SPECC1: variants seen among roughly 807,000 people sequenced by gnomAD.
SPECC1 encodes the protein cytospin-B.
A neutral mutation model predicts 104.1 loss-of-function variants in SPECC1; 62 were observed. The ratio of observed to expected loss-of-function variants is 0.60; its 90% confidence interval spans 0.49 to 0.74. SPECC1 has a LOEUF of 0.74. Ranked by LOEUF, SPECC1 falls within the 30% of genes least tolerant of loss-of-function variation. The pLI is 0.00. For missense variants in SPECC1, 1,306 were observed against 1,310.5 expected (o/e 1.00, Z 0.05); for synonymous variants, 513 against 501.6 (o/e 1.02, Z -0.30).
chr17:20,284,367 G>A (rs914958121), intron 12 of SPECC1, among the ~76,000 whole-genome samples: 6 of 152,230 alleles, frequency 3.9e-5, no homozygotes, highest in Non-Finnish European at 7.3e-5. Flanking sequence ...AAGATAGGGG[G>A]CCCAGGAGTC....
intron 5 of SPECC1, among the ~76,000 whole-genome samples, chr17:20,231,476 GTGC>G (rs1487535597): frequency 2.0e-5 from 3 of 152,194 alleles, no homozygotes; most frequent in Admixed American, 6.5e-5. Flanking sequence ...TCTTCCCGTA[GTGC>G]TGCTATTTGG....
At position 20,204,773 on chromosome 17, in the gene SPECC1, G is replaced by T. The variant is rs144644210; in HGVS notation, c.724G>T (p.Asp242Tyr). The T allele has an allele frequency of 6.2e-7, 1 of 1,614,070 alleles. No individual in the cohort carries two copies. The highest frequency in any genetic ancestry group is 2.2e-5 in the East Asian group (1 of 44,882). Reference sequence around the variant, plus strand: ...CAAGAACTTTCAGAAAGAGCTTTCCGATCTAGAGGAAGAAAACCGGGTCCT... The same window carrying T: ...CAAGAACTTTCAGAAAGAGCTTTCCTATCTAGAGGAAGAAAACCGGGTCCT... ...KNKNFQKELS[D>Y]LEEENRVLKE... is the part of the protein sequence containing the mutation. Residue 242 changes from aspartate (D) to tyrosine (Y), a missense_variant, in exon 4 of 15, where the codon GAT becomes TAT. Coordinates refer to ENST00000395527, the MANE Select transcript of SPECC1 (RefSeq NM_001243439.2).
chr17:20,100,593 A>G (rs1322159157), intron 2 of SPECC1, among the ~76,000 whole-genome samples: 1 of 152,230 alleles, frequency 6.6e-6, no homozygotes, highest in Non-Finnish European at 1.5e-5. Flanking sequence ...AGACAAATCC[A>G]CTGAAAGTAG....
At chr17:20,246,546 C>T (rs1015207706) in intron 8 of SPECC1, among the ~76,000 whole-genome samples, 3 of 152,186 alleles carry the variant, frequency 2.0e-5, no homozygotes, top group Non-Finnish European at 4.4e-5. Context: ...TACGTGAGCA[C>T]CTGTGCTAAT....
chr17:20,166,518 A>G (rs2033661578), intron 3 of SPECC1, among the ~76,000 whole-genome samples: 1 of 152,216 alleles, frequency 6.6e-6, no homozygotes, highest in African/African-American at 2.4e-5. Flanking sequence ...GATCATTTAG[A>G]AAAATAATTA....
At chr17:20,190,581 G>GCCTCCT (rs1424054349) in intron 3 of SPECC1, among the ~76,000 whole-genome samples, 1 of 152,154 alleles carries the variant, frequency 6.6e-6, no homozygotes, top group Non-Finnish European at 1.5e-5. Context: ...AACACACTCA[G>GCCTCCT]CCTCCTCATT....
intron 3 of SPECC1, among the ~76,000 whole-genome samples, chr17:20,143,994 A>G (rs905832301): frequency 2.0e-5 from 3 of 152,102 alleles, no homozygotes; most frequent in Admixed American, 6.5e-5. Flanking sequence ...TGAGCTTCCC[A>G]AGGGAGTTCT....
chr17:20,052,412 CAT>C (rs2045807977), intron 1 of SPECC1, among the ~76,000 whole-genome samples: 3 of 152,296 alleles, frequency 2.0e-5, no homozygotes, highest in East Asian at 3.9e-4. Context: ...TCTGAAAGGT[CAT>C]ACATCAAAGA....
chr17:20,142,758 A>G (rs2030970153), intron 3 of SPECC1, among the ~76,000 whole-genome samples: 1 of 151,264 alleles, frequency 6.6e-6, no homozygotes, highest in South Asian at 2.1e-4. Flanking sequence ...TGTACTTAAC[A>G]CCTCTGGACT....
At chr17:20,081,274 C>T (rs2046963148) in intron 1 of SPECC1, among the ~76,000 whole-genome samples, 1 of 152,130 alleles carries the variant, frequency 6.6e-6, no homozygotes, top group Non-Finnish European at 1.5e-5. Context: ...TGTCCTGGTG[C>T]CTACTGCAGT....
intron 14 of SPECC1, among the ~76,000 whole-genome samples, 185 bp from the exon 15 acceptor site, chr17:20,313,791 A>G (rs562787964): frequency 3.7e-4 from 57 of 152,240 alleles, no homozygotes; most frequent in Non-Finnish European, 7.8e-4. Flanking sequence ...TATCTCCTGA[A>G]TAAGTGGGAG....
intron 1 of SPECC1, among the ~76,000 whole-genome samples, chr17:20,092,939 T>C (rs1229163364): frequency 1.3e-5 from 2 of 152,182 alleles, no homozygotes; most frequent in Non-Finnish European, 2.9e-5. Flanking sequence ...AGAGAGGCCA[T>C]CCGTCCCTGG....
At chr17:20,062,474 C>T (rs2046221285) in intron 1 of SPECC1, among the ~76,000 whole-genome samples, 1 of 151,822 alleles carries the variant, frequency 6.6e-6, no homozygotes, top group Non-Finnish European at 1.5e-5. Context: ...GTGATCCTCC[C>T]ACCTCAGCCT....
chr17:20,240,165 A>C (rs1055603219), intron 7 of SPECC1, among the ~76,000 whole-genome samples: 5 of 138,032 alleles, frequency 3.6e-5, no homozygotes, highest in African/African-American at 1.3e-4. Context: ...GATCCTCCCA[A>C]CTCAGCCTCC....
chr17:20,082,957 TGTTCGTTCGTTC>T (rs5819696), intron 1 of SPECC1, among the ~76,000 whole-genome samples: 40,139 of 147,612 alleles, frequency 0.27, 5,640 homozygotes, highest in Middle Eastern at 0.37. Flanking sequence ...TGTCCTTTGG[TGTTCGTTCGTTC>T]GTTCGTTCGT....
intron 1 of SPECC1, among the ~76,000 whole-genome samples, chr17:20,055,472 A>G (rs1331134387): frequency 6.6e-6 from 1 of 152,140 alleles, no homozygotes; most frequent in Non-Finnish European, 1.5e-5. Flanking sequence ...ATCCTCACCA[A>G]TACTTGCTGT....
chr17:20,302,829 G>A (rs1338136536), intron 13 of SPECC1, among the ~76,000 whole-genome samples: 1 of 147,656 alleles, frequency 6.8e-6, no homozygotes, highest in African/African-American at 2.5e-5. Flanking sequence ...GCCTGAGGCT[G>A]GGGGATCCCT....
chr17:20,042,883 C>T (rs1032202125), intron 1 of SPECC1, among the ~76,000 whole-genome samples: 1 of 152,138 alleles, frequency 6.6e-6, no homozygotes, highest in African/African-American at 2.4e-5. Flanking sequence ...CCTCCTCTTC[C>T]CCTTCCAGAA....
Position 20,227,397 on chromosome 17 carries a change from C to G in SPECC1, c.1864-16C>G. On this transcript the variant is annotated splice_polypyrimidine_tract_variant and intron_variant, in intron 4 of 14. Transcript: ENST00000395527. ...TTTTGTTGTTAACTGACCAAGGAAC[C>G]TTCCTTTTATTTTAGGTGGAAAAGG... 6.2e-7 allele frequency: 1 copy of G among 1,606,036 alleles called. No individual in the cohort carries two copies. Among genetic ancestry groups the G allele is most frequent in the Non-Finnish European group, 8.5e-7 (1 of 1,176,132 alleles).
Sources: gnomAD v4.1 joint callset for allele counts (sites outside exome capture counted in the v4.1 genomes callset) on GRCh38, gnomAD v4.1.1 for gene constraint, MANE v1.5 for transcripts, NCBI Gene and HGNC (gene_info 2026-07-23, HGNC 2026-07-21) for gene names.